The following CSMD1 variants were observed in gnomAD, a reference collection of about 807,000 sequenced individuals.
CSMD1 encodes CUB and Sushi multiple domains 1.
A neutral mutation model predicts 417.5 loss-of-function variants in CSMD1; 213 were observed. The ratio of observed to expected loss-of-function variants is 0.51; its 90% CI spans 0.46 to 0.57. CSMD1 has a LOEUF of 0.57. Ranked by LOEUF, CSMD1 falls within the 20% of genes least tolerant of loss-of-function variation. The pLI is 0.00. For synonymous variants in CSMD1, 2,862 were observed against 1,736.8 expected (o/e 1.65, Z -16.11); for missense variants, 6,923 against 4,529.7 (o/e 1.53, Z -15.17).
rs111798642 is a variant in CSMD1 at position 3,208,459 on chromosome 8, A to G, written c.4868-2839T>C. Among the ~76,000 whole-genome samples, 489 of 152,080 alleles carry G rather than the reference A, an allele frequency of 3.2e-3. 5 individuals are homozygous for G. The highest frequency in any genetic ancestry group is 0.011 in the African/African-American group (457 of 41,462). ...TTTTTGTATTTTTAGTAGAGATGGG[A>G]TTTCACCATGTTGGCTAGGATGGTC... On this transcript the variant is annotated intron_variant, in intron 30 of 69. Transcript: ENST00000635120.
In CSMD1 at chr8:3,308,580, G is replaced by C. The variant is rs867173189; in HGVS notation, c.3632-77C>G. On this transcript the variant is annotated intron_variant, in intron 23 of 69. Transcript: ENST00000635120. Reference sequence around the variant, plus strand: ...CTTAAAACAGAGATGAAACAAACAAGGTTGCTAAATGCTCCTTGAAGGGTA... The same window carrying C: ...CTTAAAACAGAGATGAAACAAACAACGTTGCTAAATGCTCCTTGAAGGGTA... 4.9e-6 allele frequency: 6 copies of C among 1,223,536 alleles called. No individual in the cohort carries two copies. The Middle Eastern group carries it at 1.3e-3, about 257-fold the overall frequency. The allele number at this position is 1,223,536 out of a possible 1,614,324, so 75.8% of individuals were successfully genotyped here. A position where few individuals can be genotyped will look rare whatever the true frequency, so the allele number is the denominator to read the frequency against.
chr8:4,321,736 A>G (rs878894072), intron 3 of CSMD1, among the ~76,000 whole-genome samples: 8 of 152,316 alleles, frequency 5.3e-5, no homozygotes, highest in Middle Eastern at 3.4e-3. Flanking sequence ...AATTATTACT[A>G]TACGATTAAG....
chr8:3,468,323 T>A (rs1816897626), intron 12 of CSMD1, among the ~76,000 whole-genome samples: 1 of 152,152 alleles, frequency 6.6e-6, no homozygotes, highest in African/African-American at 2.4e-5. Flanking sequence ...CTCATAAAAA[T>A]TTATAATTGT....
At chr8:3,322,231 G>A (rs991466386) in intron 23 of CSMD1, among the ~76,000 whole-genome samples, 5 of 152,108 alleles carry the variant, frequency 3.3e-5, no homozygotes, top group African/African-American at 9.7e-5. Flanking sequence ...ATTTCCAGCA[G>A]GAGCGGAACA....
intron 3 of CSMD1, among the ~76,000 whole-genome samples, chr8:4,316,434 T>G (rs752719714): frequency 2.0e-5 from 3 of 152,188 alleles, no homozygotes; most frequent in African/African-American, 4.8e-5. Context: ...TAGGTTGATG[T>G]GAAATAACTG....
At chr8:3,929,542 G>A (rs776324372) in intron 5 of CSMD1, among the ~76,000 whole-genome samples, 3 of 150,490 alleles carry the variant, frequency 2.0e-5, no homozygotes, top group Non-Finnish European at 4.4e-5. Flanking sequence ...CAGGAACTGG[G>A]TTGTCTGTCT....
At chr8:4,291,827 A>C (rs1421022193) in intron 3 of CSMD1, among the ~76,000 whole-genome samples, 1 of 152,242 alleles carries the variant, frequency 6.6e-6, no homozygotes, top group East Asian at 1.9e-4. Flanking sequence ...CATGTAAACC[A>C]TATGGCCTTT....
At position 4,510,390 on chromosome 8, in the gene CSMD1, T is replaced by TAAAAAAAAAAAAAAAAAAAAA. The variant is rs34791623; in HGVS notation, c.303-90346_303-90326dup. On this transcript the variant is annotated intron_variant, in intron 2 of 69. Transcript: ENST00000635120. ...GTAGACAATTAAAAAGCATAATGCC[T>TAAAAAAAAAAAAAAAAAAAAA]AAAAAAAAAAAAAAAAAAAAAAAAA... Among the ~76,000 whole-genome samples the TAAAAAAAAAAAAAAAAAAAAA allele has an allele frequency of 1.6e-4, 9 of 54,618 alleles. 2 individuals carry two copies. The highest frequency in any genetic ancestry group is 4.3e-4 in the Admixed American group (2 of 4,612). The allele number at this position is 54,618 out of a possible 152,430, so 35.8% of individuals were successfully genotyped here.
At chr8:3,388,635 GC>G (rs1407386665) in intron 17 of CSMD1, among the ~76,000 whole-genome samples, 1 of 152,174 alleles carries the variant, frequency 6.6e-6, no homozygotes, top group Non-Finnish European at 1.5e-5. Flanking sequence ...AAATTTGAGT[GC>G]TATAACTTGG....
intron 10 of CSMD1, among the ~76,000 whole-genome samples, chr8:3,563,277 C>T (rs554040989): frequency 1.3e-5 from 2 of 151,826 alleles, no homozygotes; most frequent in Admixed American, 6.6e-5. Context: ...CACACTCCTT[C>T]CCAGTTATCT....
intron 1 of CSMD1, among the ~76,000 whole-genome samples, chr8:4,866,528 G>A (rs2118565): frequency 1 from 151,546 of 151,958 alleles, 75,572 homozygotes; most frequent in East Asian, 1. Flanking sequence ...CAACATAAGT[G>A]TTATTGGCTT....
intron 5 of CSMD1, among the ~76,000 whole-genome samples, chr8:3,923,066 T>C (rs1208211876): frequency 6.6e-6 from 1 of 152,162 alleles, no homozygotes. Flanking sequence ...CCCTTTTGTG[T>C]TCCTGGAGCC....
chr8:3,133,275 G>A (rs6558723), intron 41 of CSMD1, among the ~76,000 whole-genome samples: 7,499 of 152,170 alleles, frequency 0.049, 535 homozygotes, highest in African/African-American at 0.16. Context: ...TGGGTCCCCC[G>A]CCTGCTCTTT....
chr8:4,453,833 T>C (rs1449771176), intron 2 of CSMD1, among the ~76,000 whole-genome samples: 1 of 137,882 alleles, frequency 7.3e-6, no homozygotes, highest in Non-Finnish European at 1.6e-5. Flanking sequence ...TTTTTTTTTT[T>C]TTTTTTGAGA....
At chr8:4,463,296 G>A (rs1210645796) in intron 2 of CSMD1, among the ~76,000 whole-genome samples, 3 of 152,192 alleles carry the variant, frequency 2.0e-5, no homozygotes, top group Non-Finnish European at 2.9e-5. Context: ...AAGTGTTGGT[G>A]AGGAGGTGTA....
In CSMD1 at chr8:3,110,143, G is replaced by C. The variant is rs371138790; in HGVS notation, c.6608+15C>G. 19 of 1,583,362 alleles carry C rather than the reference G, an allele frequency of 1.2e-5. No homozygotes were observed. Among genetic ancestry groups the C allele is most frequent in the Non-Finnish European group, 1.5e-5 (18 of 1,162,108 alleles). On this transcript the variant is annotated intron_variant, in intron 43 of 69. Coordinates refer to ENST00000635120, the MANE Select transcript of CSMD1 (RefSeq NM_033225.6). ...ATCACAATTACAGATATTTTGACTT[G>C]AGAGGTTCTCATACCAAACAGCAAT...
chr8:3,585,023 C>G (rs568110655), intron 9 of CSMD1, among the ~76,000 whole-genome samples: 1 of 152,264 alleles, frequency 6.6e-6, no homozygotes, highest in South Asian at 2.1e-4. Context: ...CCTGAAGGGT[C>G]TCCATTTAAG....
chr8:3,101,230 G>A (rs1815717025), intron 46 of CSMD1, among the ~76,000 whole-genome samples: 1 of 152,132 alleles, frequency 6.6e-6, no homozygotes, highest in African/African-American at 2.4e-5. Flanking sequence ...AGAGCAAGCA[G>A]TAGGAAGCCA....
At chr8:4,153,992 A>C (rs1321862232) in intron 3 of CSMD1, among the ~76,000 whole-genome samples, 1 of 152,200 alleles carries the variant, frequency 6.6e-6, no homozygotes, top group African/African-American at 2.4e-5. Flanking sequence ...GCAGAATCCA[A>C]TGATAGCTTT....
Sources: allele counts gnomAD v4.1 joint callset (sites outside exome capture counted in the v4.1 genomes callset), GRCh38; gene constraint gnomAD v4.1.1; transcripts MANE v1.5; gene names NCBI Gene and HGNC (gene_info 2026-07-23, HGNC 2026-07-21).